The following ADAM17 variants were observed in gnomAD, a reference collection of about 807,000 sequenced individuals.
The protein encoded by ADAM17 is ADAM metallopeptidase domain 17.
ADAM17 carries 39 observed loss-of-function variants against 96.7 expected under a neutral mutation model. The ratio of observed to expected loss-of-function variants is 0.40; its 90% confidence interval spans 0.31 to 0.53. ADAM17 has a LOEUF of 0.53. Among genes scored for constraint, ADAM17 ranks in the 20% least tolerant of loss-of-function variants. The pLI is 0.44. For synonymous variants in ADAM17, 344 were observed against 359.2 expected, an observed-to-expected ratio of 0.96 and a Z score of 0.48; for missense variants, 777 against 1,013.2, an observed-to-expected ratio of 0.77 and a Z score of 3.17.
At chr2:9,554,462 T>C (rs1665679742) in intron 1 of ADAM17, among the ~76,000 whole-genome samples, 1 of 152,152 alleles carries the variant, frequency 6.6e-6, no homozygotes, top group South Asian at 2.1e-4. Flanking sequence ...GTTCAAGTGA[T>C]AACACTCTCA....
chr2:9,510,514 A>C (rs1451800657), intron 10 of ADAM17, among the ~76,000 whole-genome samples: 1 of 152,034 alleles, frequency 6.6e-6, no homozygotes, highest in African/African-American at 2.4e-5. Context: ...AAATACAAAA[A>C]TTAGCTGGGC....
Position 9,489,158 on chromosome 2 carries a change from TTGTTG to T in ADAM17, c.*1014_*1018del, listed in dbSNP as rs1264784854. 1.2e-5 allele frequency: 1 copy of T among 80,914 alleles called. No individual in the cohort carries two copies. Among genetic ancestry groups the T allele is most frequent in the African/African-American group, 3.7e-5 (1 of 27,020 alleles). The allele number at this position is 80,914 out of a possible 1,614,324, so 5.0% of individuals were successfully genotyped here. A position where few individuals can be genotyped will look rare whatever the true frequency, so the allele number is the denominator to read the frequency against. Reference sequence around the variant, plus strand: ...TCACATTCAAAACAACCTGTTTTTTTTGTTGTTGTTGTTGTTAAGAAATATCTCAC... The same window carrying T: ...TCACATTCAAAACAACCTGTTTTTTTTTGTTGTTGTTAAGAAATATCTCAC... On this transcript the variant is annotated 3_prime_UTR_variant, in exon 19 of 19. Coordinates refer to ENST00000310823, the MANE Select transcript of ADAM17 (RefSeq NM_003183.6).
intron 11 of ADAM17, 38 bp from the exon 12 acceptor site, chr2:9,505,403 T>C: frequency 6.4e-7 from 1 of 1,563,184 alleles, no homozygotes; most frequent in Non-Finnish European, 8.8e-7. Flanking sequence ...CAAAATAATA[T>C]CATAAAAATG....
rs537997080 is a variant in ADAM17, at chr2:9,510,877, A to C, written c.1192-746T>G. 3.9e-5 allele frequency among the ~76,000 whole-genome samples: 6 copies of C among 152,326 alleles called. No homozygotes were observed. The South Asian group carries it at 1.2e-3, about 32-fold the overall frequency. ...CTATGATTCTTCTACCAATTATATG[A>C]ATTTAACAGAATAAGTAGGATTTTA... On this transcript the variant is annotated intron_variant, in intron 10 of 18. Transcript: ENST00000310823.
chr2:9,538,006 G>GGAGGGGAGGA, intron 2 of ADAM17, among the ~76,000 whole-genome samples: 1 of 95,126 alleles, frequency 1.1e-5, no homozygotes, highest in South Asian at 5.0e-4. Context: ...GGAGGGGAAG[G>GGAGGGGAGGA]GAGGGGAGGA....
At chr2:9,529,961 C>G (rs1381831521) in intron 4 of ADAM17, among the ~76,000 whole-genome samples, 1 of 146,258 alleles carries the variant, frequency 6.8e-6, no homozygotes. Flanking sequence ...GAGACTCCAT[C>G]TCAAAAATAC....
chr2:9,510,203 T>C (rs1663655939), intron 10 of ADAM17, 72 bp from the exon 11 acceptor site: 1 of 1,528,626 alleles, frequency 6.5e-7, no homozygotes, highest in South Asian at 1.1e-5. Context: ...GTTGGGCCTA[T>C]GCTGTCTTAA....
chr2:9,491,268 A>C (rs1572871855), intron 17 of ADAM17, 117 bp from the exon 18 acceptor site: 4 of 867,004 alleles, frequency 4.6e-6, no homozygotes, highest in Non-Finnish European at 3.6e-6. Flanking sequence ...AGTTGTAGAA[A>C]GTGATAGCAG....
intron 1 of ADAM17, among the ~76,000 whole-genome samples, chr2:9,552,781 C>A (rs1211083589): frequency 1.3e-5 from 2 of 152,176 alleles, no homozygotes; most frequent in African/African-American, 4.8e-5. Context: ...CATAACTTTC[C>A]TAAATTATGC....
intron 13 of ADAM17, among the ~76,000 whole-genome samples, chr2:9,499,223 C>G (rs1035753687): frequency 6.7e-6 from 1 of 148,872 alleles, no homozygotes; most frequent in East Asian, 2.0e-4. Context: ...TATAAAATAT[C>G]AAGGGAACAA....
In ADAM17 at chr2:9,489,326, C is replaced by T. The variant is rs1183317696; in HGVS notation, c.*851G>A. The stretch of plus-strand genomic sequence containing the variant: ...TGTCACCCAGGCTGGAGTGTAGTGG[C>T]GCAACCTCAGCCTCTCCAAGTGCTG... On this transcript the variant is annotated 3_prime_UTR_variant, in exon 19 of 19. Transcript: ENST00000310823. 2.2e-5 allele frequency: 3 copies of T among 137,454 alleles called. No homozygotes were observed. The highest frequency in any genetic ancestry group is 3.0e-5 in the Non-Finnish European group (2 of 66,676). The allele number at this position is 137,454 out of a possible 1,614,324, so 8.5% of individuals were successfully genotyped here. A position where few individuals can be genotyped will look rare whatever the true frequency, so the allele number is the denominator to read the frequency against.
intron 4 of ADAM17, 59 bp downstream of exon 4, chr2:9,535,775 G>T: frequency 8.9e-7 from 1 of 1,128,644 alleles, no homozygotes; most frequent in Non-Finnish European, 1.3e-6. Context: ...GCAGAACTGA[G>T]CAGCTTTTTG....
intron 4 of ADAM17, among the ~76,000 whole-genome samples, chr2:9,534,356 G>A (rs1465949660): frequency 2.6e-5 from 4 of 151,004 alleles, no homozygotes; most frequent in Non-Finnish European, 5.9e-5. Context: ...GTGACAGAGT[G>A]ATACTCCATC....
In ADAM17 at chr2:9,536,728, A is replaced by AT; in HGVS notation, c.330dup (p.Trp111MetfsTer12). On this transcript the variant is annotated frameshift_variant, in exon 3 of 19. Coordinates refer to ENST00000310823, the MANE Select transcript of ADAM17 (RefSeq NM_003183.6). LOFTEE classifies it high-confidence loss of function. ...ACGTGTCCAGTGAAGAAGTCCTGCC[A>AT]TTTTACAGTGTACTCGCTTTCGTTT... 1 of 1,614,082 alleles carries AT rather than the reference A, an allele frequency of 6.2e-7. No individual in the cohort carries two copies. Among genetic ancestry groups the AT allele is most frequent in the Non-Finnish European group, 8.5e-7 (1 of 1,179,994 alleles).
intron 1 of ADAM17, among the ~76,000 whole-genome samples, chr2:9,552,348 T>C (rs1031660305): frequency 1.3e-5 from 2 of 152,256 alleles, no homozygotes; most frequent in African/African-American, 4.8e-5. Flanking sequence ...CTCTCCATTC[T>C]ACTCTTGAAA....
At chr2:9,541,251 T>C (rs1665194628) in intron 2 of ADAM17, among the ~76,000 whole-genome samples, 1 of 152,138 alleles carries the variant, frequency 6.6e-6, no homozygotes, top group Non-Finnish European at 1.5e-5. Context: ...CAGAGACCTA[T>C]AGGCAAAAAA....
chr2:9,541,127 A>G (rs1665189109), intron 2 of ADAM17, among the ~76,000 whole-genome samples: 1 of 152,244 alleles, frequency 6.6e-6, no homozygotes, highest in East Asian at 1.9e-4. Context: ...TTGGTTAAAC[A>G]ATATCCATCT....
chr2:9,523,443 A>G (rs1363247626), intron 6 of ADAM17, 105 bp from the exon 7 acceptor site: 1 of 1,006,838 alleles, frequency 9.9e-7, no homozygotes, highest in East Asian at 2.5e-5. Context: ...TTTAGAGGCC[A>G]TTGCAAAAGT....
chr2:9,518,143 G>A lies in ADAM17; in HGVS notation c.1062C>T (p.Gly354=). The A allele has an allele frequency of 6.3e-7, 1 of 1,599,146 alleles. No homozygotes were observed. The highest frequency in any genetic ancestry group is 8.5e-7 in the Non-Finnish European group (1 of 1,176,020). The change falls in exon 9 of 19, where the codon GGC becomes GGT. Residue 354 remains glycine (G), a synonymous_variant. Coordinates refer to ENST00000310823, the MANE Select transcript of ADAM17 (RefSeq NM_003183.6). ...CTCCATGGCTGTTTGCTCTGGGAGA[G>A]CCAACATAAGCTAATCCAAGAGTTC... ...DMGTLGLAYV[G]SPRANSHGGV... is the part of the protein sequence containing the mutation.
Sources: allele counts gnomAD v4.1 joint callset (sites outside exome capture counted in the v4.1 genomes callset), GRCh38; gene constraint gnomAD v4.1.1; transcripts MANE v1.5; gene names NCBI Gene and HGNC (gene_info 2026-07-23, HGNC 2026-07-21).